Variants in MMS22L observed in about 807,000 individuals in gnomAD.
MMS22L encodes the protein protein MMS22-like.
A neutral mutation model predicts 159.1 loss-of-function variants in MMS22L; 74 were observed. The observed-to-expected ratio is 0.47, with a 90% CI of 0.39 to 0.56. MMS22L has a LOEUF of 0.56. Ranked by LOEUF, MMS22L falls within the 20% of genes least tolerant of loss-of-function variation. MMS22L has a pLI of 0.00. For missense variants in MMS22L, 1,351 were observed against 1,422.1 expected, an observed-to-expected ratio of 0.95 and a Z score of 0.80; for synonymous variants, 517 against 506.9, an observed-to-expected ratio of 1.02 and a Z score of -0.27.
chr6:97,165,317 CA>C lies in MMS22L; in HGVS notation c.3149del (p.Leu1050CysfsTer4), dbSNP rs1228125429. On this transcript the variant is annotated frameshift_variant, in exon 21 of 25. Transcript: ENST00000683635. LOFTEE classifies it high-confidence loss of function. ...TAGTGGCTGTGTTTCTCAATGCCAG[CA>C]AAACAGGATGTTGTCCAAGATCTGA... ...YVSDLGQHPV[L>X]LALRNTATIP... The C allele has an allele frequency of 1.2e-6, 2 of 1,613,198 alleles. No homozygotes were observed. Among genetic ancestry groups the C allele is most frequent in the Non-Finnish European group, 1.7e-6 (2 of 1,179,630 alleles).
At chr6:97,249,144 A>G (rs546609488) in intron 10 of MMS22L, among the ~76,000 whole-genome samples, 1 of 152,258 alleles carries the variant, frequency 6.6e-6, no homozygotes, top group South Asian at 2.1e-4. Flanking sequence ...CCCCTACATA[A>G]TGGAACTCCC....
At chr6:97,162,254 T>C (rs1802526127) in intron 21 of MMS22L, 89 bp from the exon 22 acceptor site, 1 of 1,079,204 alleles carries the variant, frequency 9.3e-7, no homozygotes. Context: ...ATTGGCAAAA[T>C]TTACCCCCCA....
chr6:97,162,171 A>T lies in MMS22L; in HGVS notation c.3222-6T>A. 1 of 1,585,366 alleles carries T rather than the reference A, an allele frequency of 6.3e-7. No individual in the cohort carries two copies. The highest frequency in any genetic ancestry group is 8.5e-7 in the Non-Finnish European group (1 of 1,171,496). On this transcript the variant is annotated splice_polypyrimidine_tract_variant and splice_region_variant and intron_variant, in intron 21 of 24. Coordinates refer to ENST00000683635, the MANE Select transcript of MMS22L (RefSeq NM_001350599.2). ...TATACTCAAGGTAGGATTTCCTGAA[A>T]AGAAGCAAAATTTGTTTATTCTCTG... is the stretch of plus-strand genomic sequence containing the variant.
At chr6:97,272,014 T>C (rs1303392341) in intron 6 of MMS22L, 2 of 152,186 alleles carry the variant, frequency 1.3e-5, no homozygotes, top group East Asian at 3.8e-4. Flanking sequence ...AGAGTAAATA[T>C]TATTCAAAAC....
Position 97,143,352 on chromosome 6 carries a change from C to T in MMS22L, c.*3454G>A, listed in dbSNP as rs1800727184. ...AATCAGAGAAAGCTGCTAAATGAGC[C>T]TCTTGTTTGGAAAGAGATAAGCTTG... On this transcript the variant is annotated 3_prime_UTR_variant, in exon 25 of 25. Transcript: ENST00000683635. The T allele has an allele frequency of 6.6e-6, 1 of 152,124 alleles. No individual in the cohort carries two copies. Among genetic ancestry groups the T allele is most frequent in the Non-Finnish European group, 1.5e-5 (1 of 68,052 alleles). 9.4% of individuals were successfully genotyped at this position (152,124 alleles called of 1,614,324 possible). A position where few individuals can be genotyped will look rare whatever the true frequency, so the allele number is the denominator to read the frequency against.
intron 2 of MMS22L, 35 bp from the exon 3 acceptor site, chr6:97,281,397 A>G: frequency 6.5e-7 from 1 of 1,535,202 alleles, no homozygotes; most frequent in Non-Finnish European, 8.9e-7. Flanking sequence ...CATAAAAAGT[A>G]TACTAAGTAC....
chr6:97,244,605 C>T (rs1812434792), intron 11 of MMS22L, among the ~76,000 whole-genome samples: 1 of 152,198 alleles, frequency 6.6e-6, no homozygotes, highest in Admixed American at 6.5e-5. Flanking sequence ...TCACATCCTA[C>T]ATTTTTCTCC....
chr6:97,217,607 T>C (rs1809161265), intron 14 of MMS22L, among the ~76,000 whole-genome samples: 1 of 152,156 alleles, frequency 6.6e-6, no homozygotes, highest in Non-Finnish European at 1.5e-5. Flanking sequence ...ATTATATAAT[T>C]ATTAGGAACT....
At chr6:97,176,688 C>T (rs772513718) in intron 18 of MMS22L, among the ~76,000 whole-genome samples, 2 of 152,156 alleles carry the variant, frequency 1.3e-5, no homozygotes, top group Non-Finnish European at 2.9e-5. Context: ...CACTAAGGAA[C>T]TTCCCTGGCA....
intron 14 of MMS22L, among the ~76,000 whole-genome samples, chr6:97,212,536 C>T (rs549859877): frequency 5.3e-5 from 8 of 152,216 alleles, no homozygotes; most frequent in East Asian, 1.9e-4. Context: ...AAGCAATCAC[C>T]GCTAGGTACT....
intron 9 of MMS22L, among the ~76,000 whole-genome samples, chr6:97,258,464 T>G (rs1223865186): frequency 6.6e-6 from 1 of 152,178 alleles, no homozygotes; most frequent in Non-Finnish European, 1.5e-5. Flanking sequence ...GTATCATTGC[T>G]TGTAAGCCCA....
chr6:97,260,458 G>C (rs1021140778), intron 9 of MMS22L: 2 of 151,822 alleles, frequency 1.3e-5, no homozygotes. Context: ...TTGTAATTTA[G>C]TCAATACGGA....
At chr6:97,240,361 A>G (rs774187333) in intron 11 of MMS22L, among the ~76,000 whole-genome samples, 139 of 152,312 alleles carry the variant, frequency 9.1e-4, no homozygotes, top group Non-Finnish European at 1.5e-3. Flanking sequence ...TTCATAGAGC[A>G]TGTTTCTTAG....
chr6:97,246,109 A>G (rs1812611902), intron 11 of MMS22L: 1 of 424,794 alleles, frequency 2.4e-6, no homozygotes, highest in Non-Finnish European at 4.6e-6. Flanking sequence ...CTATTTTAAA[A>G]GGAGGTCAAG....
chr6:97,270,163 T>C (rs912163688), intron 6 of MMS22L, 171 bp from the exon 7 acceptor site: 1 of 644,418 alleles, frequency 1.6e-6, no homozygotes, highest in Non-Finnish European at 2.8e-6. Context: ...ATTCTTTCAC[T>C]GAAGATCTTT....
In MMS22L at chr6:97,250,958, TATC is replaced by T. The variant is rs552152886; in HGVS notation, c.1119+3596_1119+3598del. Reference sequence around the variant, plus strand: ...TCTATTGTAGTTGCTTATGTTAATATATCATAAGGAGAAAAAAAAATTTTCAAA... The same window carrying T: ...TCTATTGTAGTTGCTTATGTTAATATATAAGGAGAAAAAAAAATTTTCAAA... On this transcript the variant is annotated intron_variant, in intron 10 of 24. Coordinates refer to ENST00000683635, the MANE Select transcript of MMS22L (RefSeq NM_001350599.2). Among the ~76,000 whole-genome samples, 398 of 152,288 alleles carry T rather than the reference TATC, an allele frequency of 2.6e-3. 3 individuals are homozygous for T. The highest frequency in any genetic ancestry group is 4.4e-3 in the Non-Finnish European group (298 of 68,024).
intron 22 of MMS22L, among the ~76,000 whole-genome samples, chr6:97,159,956 T>TTG: frequency 6.7e-6 from 1 of 148,410 alleles, no homozygotes; most frequent in Non-Finnish European, 1.5e-5. Context: ...CTGTTTTTTT[T>TTG]TTTTTTTTTT....
In MMS22L at chr6:97,229,126, C is replaced by A. The variant is rs780843109; in HGVS notation, c.1807G>T (p.Ala603Ser). 3.7e-6 allele frequency: 6 copies of A among 1,614,140 alleles called. No individual in the cohort carries two copies. Among genetic ancestry groups the A allele is most frequent in the Non-Finnish European group, 4.2e-6 (5 of 1,180,006 alleles). Residue 603 changes from alanine to serine, a missense_variant, in exon 14 of 25, where the codon GCA becomes TCA. By Grantham distance (99) the Ala-to-Ser change is moderately conservative. Coordinates refer to ENST00000683635, the MANE Select transcript of MMS22L (RefSeq NM_001350599.2). ...TTCTTAGACACCAAGAATTCCTTTG[C>A]TTTCTCCCGGAAAGCACATGAAAAT... The part of the protein sequence containing the change: ...EKFSCAFREK[A>S]KEFLVSKNEE...
chr6:97,202,899 G>A (rs1053999221), intron 14 of MMS22L, among the ~76,000 whole-genome samples: 18 of 152,228 alleles, frequency 1.2e-4, no homozygotes, highest in African/African-American at 4.3e-4. Flanking sequence ...GGGATGATCA[G>A]GTTAAGATGA....
Sources: gnomAD v4.1 joint callset for allele counts (sites outside exome capture counted in the v4.1 genomes callset) on GRCh38, gnomAD v4.1.1 for gene constraint, MANE v1.5 for transcripts, NCBI Gene and HGNC (gene_info 2026-07-23, HGNC 2026-07-21) for gene names.